Variants in BANK1 observed in about 807,000 individuals in gnomAD.
BANK1 encodes the protein B cell scaffold protein with ankyrin repeats 1, also known as B-cell scaffold protein with ankyrin repeats.
A neutral mutation model predicts 94.5 loss-of-function variants in BANK1; 95 were observed. The ratio of observed to expected loss-of-function variants is 1.00; its 90% confidence interval spans 0.85 to 1.19. The LOEUF is 1.19. Ranked by LOEUF, BANK1 falls within the 50% of genes most tolerant of loss-of-function variation. BANK1 has a pLI of 0.00. For synonymous variants in BANK1, 334 were observed against 308.4 expected (o/e 1.08, Z -0.87); for missense variants, 987 against 932.2 (o/e 1.06, Z -0.77).
intron 3 of BANK1, among the ~76,000 whole-genome samples, chr4:101,862,260 G>A (rs1205940885): frequency 6.6e-6 from 1 of 152,006 alleles, no homozygotes; most frequent in Non-Finnish European, 1.5e-5. Flanking sequence ...AAAGGAAGAG[G>A]CTATATTCAT....
At chr4:101,804,849 A>G (rs545735956) in intron 1 of BANK1, among the ~76,000 whole-genome samples, 1 of 152,278 alleles carries the variant, frequency 6.6e-6, no homozygotes, top group East Asian at 1.9e-4. Context: ...GTTTTTGAGG[A>G]ATCAAAGTTA....
intron 2 of BANK1, among the ~76,000 whole-genome samples, chr4:101,847,980 C>T (rs548221455): frequency 6.6e-6 from 1 of 152,318 alleles, no homozygotes; most frequent in South Asian, 2.1e-4. Flanking sequence ...TGATGGATCC[C>T]TTTGGCGCCA....
intron 1 of BANK1, among the ~76,000 whole-genome samples, chr4:101,802,804 C>T (rs944542356): frequency 1.3e-5 from 2 of 152,078 alleles, no homozygotes; most frequent in Admixed American, 6.6e-5. Flanking sequence ...ATGGCTGTTG[C>T]TGGGTGAGTA....
chr4:102,024,142 A>T (rs1727002901), intron 8 of BANK1, among the ~76,000 whole-genome samples: 1 of 152,212 alleles, frequency 6.6e-6, no homozygotes, highest in Non-Finnish European at 1.5e-5. Context: ...CATCATGGGC[A>T]TGATTTTTCT....
chr4:102,015,901 A>C (rs1726683036), intron 7 of BANK1, among the ~76,000 whole-genome samples: 1 of 152,034 alleles, frequency 6.6e-6, no homozygotes, highest in Non-Finnish European at 1.5e-5. Context: ...GCTACTTTCC[A>C]CTTCTTAAGA....
chr4:102,016,548 T>G (rs1726707781), intron 7 of BANK1, among the ~76,000 whole-genome samples: 1 of 152,212 alleles, frequency 6.6e-6, no homozygotes, highest in African/African-American at 2.4e-5. Context: ...CTCGTTTAAC[T>G]TTTTTAAGCT....
chr4:101,830,956 C>T (rs1578342798), intron 2 of BANK1, among the ~76,000 whole-genome samples: 1 of 152,152 alleles, frequency 6.6e-6, no homozygotes, highest in East Asian at 1.9e-4. Context: ...TGGGAAATTC[C>T]TTATTCGCTG....
intron 7 of BANK1, among the ~76,000 whole-genome samples, chr4:101,933,456 A>G (rs1310071281): frequency 1.3e-5 from 2 of 151,522 alleles, no homozygotes; most frequent in Non-Finnish European, 3.0e-5. Context: ...CCCATTACAC[A>G]AGGGTTGTTA....
At chr4:101,892,670 T>C (rs567165620) in intron 5 of BANK1, among the ~76,000 whole-genome samples, 2 of 152,088 alleles carry the variant, frequency 1.3e-5, no homozygotes, top group South Asian at 4.1e-4. Flanking sequence ...AAATGTGATT[T>C]TTTGATGAGC....
chr4:101,805,046 A>G (rs1725506745), intron 1 of BANK1, among the ~76,000 whole-genome samples: 1 of 152,236 alleles, frequency 6.6e-6, no homozygotes, highest in Non-Finnish European at 1.5e-5. Flanking sequence ...TATGTCAATA[A>G]TCATGTGAAC....
intron 7 of BANK1, among the ~76,000 whole-genome samples, chr4:101,939,549 G>T (rs1413586394): frequency 6.6e-6 from 1 of 151,670 alleles, no homozygotes; most frequent in Non-Finnish European, 1.5e-5. Context: ...AATGGCAGGG[G>T]AGTAGAGAGA....
At chr4:101,955,027 A>T (rs1001177784) in intron 7 of BANK1, among the ~76,000 whole-genome samples, 1 of 152,160 alleles carries the variant, frequency 6.6e-6, no homozygotes, top group Non-Finnish European at 1.5e-5. Context: ...ATGAAAGATT[A>T]TGTTCATGTG....
intron 2 of BANK1, among the ~76,000 whole-genome samples, chr4:101,848,678 TTTA>T (rs1163327143): frequency 6.6e-6 from 1 of 152,266 alleles, no homozygotes; most frequent in Non-Finnish European, 1.5e-5. Flanking sequence ...TGCTTCATGC[TTTA>T]TTATTTAATT....
At chr4:101,886,244 C>T (rs183170420) in intron 5 of BANK1, among the ~76,000 whole-genome samples, 3 of 152,222 alleles carry the variant, frequency 2.0e-5, no homozygotes, top group Admixed American at 2.0e-4. Context: ...TCAAGTGATC[C>T]ACTTATTAGA....
At chr4:101,899,866 G>T (rs1261668310) in intron 6 of BANK1, among the ~76,000 whole-genome samples, 2 of 152,228 alleles carry the variant, frequency 1.3e-5, no homozygotes, top group Non-Finnish European at 2.9e-5. Flanking sequence ...CAGAGTCAAA[G>T]AAATCTTTTG....
chr4:101,877,279 A>G (rs1728526260), intron 5 of BANK1, among the ~76,000 whole-genome samples: 1 of 152,210 alleles, frequency 6.6e-6, no homozygotes, highest in Non-Finnish European at 1.5e-5. Flanking sequence ...AAGGTTAAAG[A>G]TGAGTCCTTC....
intron 1 of BANK1, among the ~76,000 whole-genome samples, chr4:101,795,357 CTGTG>C (rs10605944): frequency 6.6e-6 from 1 of 151,672 alleles, no homozygotes; most frequent in Non-Finnish European, 1.5e-5. Context: ...TAATAATTCA[CTGTG>C]TTCTTTTATC....
chr4:101,846,431 A>C (rs1727249046), intron 2 of BANK1, among the ~76,000 whole-genome samples: 2 of 152,222 alleles, frequency 1.3e-5, no homozygotes, highest in Non-Finnish European at 2.9e-5. Flanking sequence ...GGGTTGGGAA[A>C]CAGTATAGGG....
At position 101,955,472 on chromosome 4, in the gene BANK1, CT is replaced by C. The variant is rs531957553; in HGVS notation, c.1206+37292del. ...ACTGCCACATAGTTAGAGCCAGTGT[CT>C]TTTTTTTTCCTTTGATGCCATGAAT... On this transcript the variant is annotated intron_variant, in intron 7 of 16. Transcript: ENST00000322953. 5.1e-3 allele frequency among the ~76,000 whole-genome samples: 769 copies of C among 151,378 alleles called. 3 individuals carry two copies. Among genetic ancestry groups the C allele is most frequent in the Non-Finnish European group, 7.6e-3 (515 of 67,770 alleles).
Sources: allele counts gnomAD v4.1 joint callset (sites outside exome capture counted in the v4.1 genomes callset), GRCh38; gene constraint gnomAD v4.1.1; transcripts MANE v1.5; gene names NCBI Gene and HGNC (gene_info 2026-07-23, HGNC 2026-07-21).